Variants in KIZ observed in about 807,000 individuals in gnomAD.
KIZ encodes the protein centrosomal protein kizuna.
Under a neutral mutation model 79.6 loss-of-function variants are expected in KIZ, and 68 were observed. That is an observed-to-expected ratio of 0.85 (90% confidence interval 0.70 to 1.05). The LOEUF is 1.05. KIZ is among the 50% of genes least tolerant of loss of function. The pLI, the probability that KIZ is intolerant of heterozygous loss-of-function variation, is 0.00. For synonymous variants in KIZ, 280 were observed against 281.8 expected, an observed-to-expected ratio of 0.99 and a Z score of 0.06; for missense variants, 797 against 800.4, an observed-to-expected ratio of 1.00 and a Z score of 0.05.
chr20:21,198,390 C>A (rs1391233121), intron 6 of KIZ: 1 of 152,200 alleles, frequency 6.6e-6, no homozygotes, highest in Non-Finnish European at 1.5e-5. Flanking sequence ...TACATCTGCA[C>A]TGTTTACTAG....
chr20:21,168,674 T>G lies in KIZ; in HGVS notation c.1352+5515T>G, dbSNP rs973161621. On this transcript the variant is annotated intron_variant, in intron 6 of 12. Coordinates refer to ENST00000619189, the MANE Select transcript of KIZ (RefSeq NM_018474.6). Reference sequence around the variant, plus strand: ...AGCTGGAGGCATCACGCTACCTGACTTCAAACTATACTACAAGGCTACAGT... The same window carrying G: ...AGCTGGAGGCATCACGCTACCTGACGTCAAACTATACTACAAGGCTACAGT... Among the ~76,000 whole-genome samples, 82 of 152,264 alleles carry G rather than the reference T, an allele frequency of 5.4e-4. No individual in the cohort carries two copies. The East Asian group carries it at 0.015, about 28-fold the overall frequency.
intron 6 of KIZ, among the ~76,000 whole-genome samples, chr20:21,179,737 C>T (rs143130197): frequency 1.3e-3 from 203 of 152,230 alleles, no homozygotes; most frequent in African/African-American, 4.8e-3. Context: ...GGTCTTGCTG[C>T]ATCTTCTAAG....
intron 4 of KIZ, chr20:21,158,611 G>A (rs6035793): frequency 0.58 from 88,221 of 152,074 alleles, 27,186 homozygotes; most frequent in South Asian, 0.78. Context: ...CACCCTTTAC[G>A]CACATACCTA....
chr20:21,208,530 C>T (rs1376564580), intron 7 of KIZ, among the ~76,000 whole-genome samples: 18 of 152,044 alleles, frequency 1.2e-4, no homozygotes, highest in Admixed American at 6.6e-5. Context: ...GGTGAAACCC[C>T]GTCTCTACTA....
intron 10 of KIZ, 92 bp from the exon 11 acceptor site, chr20:21,232,642 T>A (rs1216133211): frequency 1.4e-6 from 1 of 697,514 alleles, no homozygotes; most frequent in African/African-American, 1.8e-5. Flanking sequence ...TGGCGTTTGT[T>A]TCACCAAACT....
intron 5 of KIZ, 162 bp downstream of exon 5, chr20:21,162,669 A>G: frequency 1.3e-6 from 1 of 787,568 alleles, no homozygotes; most frequent in South Asian, 1.9e-5. Flanking sequence ...GAATTTGCTG[A>G]TTTTTAAACC....
At chr20:21,147,325 G>A (rs894971387) in intron 4 of KIZ, among the ~76,000 whole-genome samples, 2 of 152,196 alleles carry the variant, frequency 1.3e-5, no homozygotes, top group Admixed American at 6.5e-5. Flanking sequence ...ACTATTGGCT[G>A]TATAAGAATC....
chr20:21,215,266 A>G (rs2036237929), intron 8 of KIZ, among the ~76,000 whole-genome samples: 1 of 152,200 alleles, frequency 6.6e-6, no homozygotes, highest in South Asian at 2.1e-4. Flanking sequence ...ATTCCTCAGG[A>G]ATTGCTCGAG....
intron 6 of KIZ, chr20:21,196,349 C>T (rs913145488): frequency 6.6e-6 from 1 of 152,610 alleles, no homozygotes; most frequent in South Asian, 2.1e-4. Context: ...TCACGTTCCT[C>T]CTCCTTAGTG....
intron 3 of KIZ, among the ~76,000 whole-genome samples, chr20:21,139,412 T>G (rs1418646464): frequency 2.0e-5 from 3 of 152,194 alleles, no homozygotes; most frequent in Non-Finnish European, 2.9e-5. Context: ...ATAGCAAGTT[T>G]TAGCTTCCCA....
intron 6 of KIZ, among the ~76,000 whole-genome samples, chr20:21,184,439 C>T (rs538786296): frequency 3.3e-5 from 5 of 152,154 alleles, no homozygotes; most frequent in Non-Finnish European, 7.4e-5. Context: ...CGTGAGCCAC[C>T]ACGCCCGGTC....
At chr20:21,144,797 T>C (rs1233364130) in intron 3 of KIZ, among the ~76,000 whole-genome samples, 3 of 152,198 alleles carry the variant, frequency 2.0e-5, no homozygotes, top group African/African-American at 7.2e-5. Flanking sequence ...TTACAGTGCA[T>C]ACCTGCCTAA....
chr20:21,129,205 G>A (rs1367166681), intron 1 of KIZ, among the ~76,000 whole-genome samples: 1 of 152,152 alleles, frequency 6.6e-6, no homozygotes, highest in Non-Finnish European at 1.5e-5. Flanking sequence ...CTGTGAAGAA[G>A]AGTTAACAAG....
upstream of KIZ, chr20:21,126,064 C>G: frequency 1.4e-6 from 2 of 1,405,304 alleles, no homozygotes; most frequent in Non-Finnish European, 1.9e-6. Context: ...TTCGGCAACC[C>G]CGGCCGAACG....
At chr20:21,199,578 C>T (rs2035503534) in intron 6 of KIZ, among the ~76,000 whole-genome samples, 1 of 152,160 alleles carries the variant, frequency 6.6e-6, no homozygotes, top group South Asian at 2.1e-4. Context: ...GGTCTTTAAA[C>T]ACAGATTCTT....
chr20:21,144,862 A>G (rs112575302), intron 3 of KIZ, among the ~76,000 whole-genome samples: 193 of 152,266 alleles, frequency 1.3e-3, no homozygotes, highest in African/African-American at 4.3e-3. Context: ...TGACTTTTTT[A>G]AGGCTTTAAT....
chr20:21,160,286 A>C (rs571072836), intron 4 of KIZ, among the ~76,000 whole-genome samples: 39 of 152,226 alleles, frequency 2.6e-4, no homozygotes, highest in African/African-American at 9.2e-4. Context: ...CATATGCCAC[A>C]GTGACCACCT....
At chr20:21,171,925 A>G (rs114794325) in intron 6 of KIZ, among the ~76,000 whole-genome samples, 1 of 152,222 alleles carries the variant, frequency 6.6e-6, no homozygotes, top group African/African-American at 2.4e-5. Flanking sequence ...GCTGAGCCTT[A>G]TCCTTCCAGT....
chr20:21,136,879 A>C (rs910184094), intron 3 of KIZ, among the ~76,000 whole-genome samples: 1 of 152,244 alleles, frequency 6.6e-6, no homozygotes, highest in African/African-American at 2.4e-5. Flanking sequence ...ATTAGGATTA[A>C]GTATCAGCTT....
Sources: allele counts gnomAD v4.1 joint callset (sites outside exome capture counted in the v4.1 genomes callset), GRCh38; gene constraint gnomAD v4.1.1; transcripts MANE v1.5; gene names NCBI Gene and HGNC (gene_info 2026-07-23, HGNC 2026-07-21).